The following SEMA6A variants were observed in gnomAD, a reference collection of about 807,000 sequenced individuals.
SEMA6A encodes the protein semaphorin-6A.
Under a neutral mutation model 96.8 loss-of-function variants are expected in SEMA6A, and 25 were observed. The observed-to-expected ratio is 0.26, with a 90% confidence interval of 0.19 to 0.36. The LOEUF (loss-of-function observed/expected upper bound fraction) is 0.36, where lower values mean the gene tolerates loss of function less well. Ranked by LOEUF, SEMA6A falls within the 10% of genes least tolerant of loss-of-function variation. SEMA6A has a pLI of 1.00. For missense variants in SEMA6A, 1,363 were observed against 1,323.1 expected, an observed-to-expected ratio of 1.03 and a Z score of -0.47; for synonymous variants, 612 against 518.0, an observed-to-expected ratio of 1.18 and a Z score of -2.46.
Position 116,444,583 on chromosome 5 carries a change from C to G in SEMA6A, c.*2030G>C, listed in dbSNP as rs1411150123. On this transcript the variant is annotated 3_prime_UTR_variant, in exon 19 of 19. Transcript: ENST00000343348. ...TTCATGATAGAGTAAACAAAAGTCC[C>G]TTTTGTGTGCTTGAGCAAATGAAAA... 3 of 152,622 alleles carry G rather than the reference C, an allele frequency of 2.0e-5. No individual in the cohort carries two copies. The highest frequency in any genetic ancestry group is 4.4e-5 in the Non-Finnish European group (3 of 68,026). 9.5% of individuals were successfully genotyped at this position (152,622 alleles called of 1,614,324 possible). A position where few individuals can be genotyped will look rare whatever the true frequency, so the allele number is the denominator to read the frequency against.
At chr5:116,495,168 A>C (rs1222081075) in intron 6 of SEMA6A, among the ~76,000 whole-genome samples, 1 of 152,142 alleles carries the variant, frequency 6.6e-6, no homozygotes, top group Non-Finnish European at 1.5e-5. Flanking sequence ...AACAATAGAG[A>C]AAAGGGTCTT....
At chr5:116,490,259 A>G (rs183107784) in intron 7 of SEMA6A, among the ~76,000 whole-genome samples, 3 of 152,318 alleles carry the variant, frequency 2.0e-5, no homozygotes, top group East Asian at 1.9e-4. Flanking sequence ...TCTACGAATC[A>G]TAACTTTTCT....
Position 116,478,022 on chromosome 5 carries a change from C to A in SEMA6A, c.1560G>T (p.Lys520Asn). Reference protein sequence around the residue: ...VPLGRCERHGKCKKTCIASRD... With the variant: ...VPLGRCERHGNCKKTCIASRD... The stretch of plus-strand genomic sequence containing the variant: ...TGAGGCAAAATACATACTTTTTACA[C>A]TTCCCATGTCGTTCACACCGGCCAA... Residue 520 changes from lysine (K) to asparagine (N), a missense_variant, in exon 14 of 19, where the codon AAG (lysine) becomes AAT (asparagine). Physicochemically the swap from Lys to Asn is moderately conservative, Grantham distance 94. Coordinates refer to ENST00000343348, the MANE Select transcript of SEMA6A (RefSeq NM_020796.5). 1 of 1,613,988 alleles carries A rather than the reference C, an allele frequency of 6.2e-7. No homozygotes were observed. The highest frequency in any genetic ancestry group is 8.5e-7 in the Non-Finnish European group (1 of 1,179,868).
intron 1 of SEMA6A, among the ~76,000 whole-genome samples, chr5:116,520,347 C>G (rs1484631105): frequency 7.0e-6 from 1 of 143,244 alleles, no homozygotes; most frequent in African/African-American, 2.6e-5. Context: ...TGTTCCTCCC[C>G]TCCACTAGAA....
chr5:116,523,817 G>A (rs1759081311), intron 1 of SEMA6A, among the ~76,000 whole-genome samples: 1 of 152,160 alleles, frequency 6.6e-6, no homozygotes, highest in African/African-American at 2.4e-5. Flanking sequence ...GGTGATTCTA[G>A]TGAGTAGACA....
intron 11 of SEMA6A, among the ~76,000 whole-genome samples, chr5:116,482,242 T>A (rs958929289): frequency 1.3e-5 from 2 of 151,906 alleles, no homozygotes; most frequent in African/African-American, 4.8e-5. Context: ...AAATAACATA[T>A]ATGGAGGTTA....
chr5:116,500,754 C>T (rs1040830302), intron 3 of SEMA6A, among the ~76,000 whole-genome samples: 66 of 152,258 alleles, frequency 4.3e-4, no homozygotes, highest in African/African-American at 1.5e-3. Flanking sequence ...CCTGTAATTC[C>T]GGCACTTTGA....
chr5:116,447,330 G>T lies in SEMA6A; in HGVS notation c.2376C>A (p.Pro792=). Residue 792 remains proline, a synonymous_variant, in exon 19 of 19, where the codon CCC becomes CCA. Transcript: ENST00000343348. The part of the protein sequence containing the change: ...NLINACTKDM[P]PMGSPVIPTD... ...TGGGAATCACAGGGGAGCCCATGGG[G>T]GGCATGTCCTTTGTGCAGGCATTGA... The T allele has an allele frequency of 6.2e-7, 1 of 1,613,862 alleles. No homozygotes were observed.
intron 1 of SEMA6A, among the ~76,000 whole-genome samples, chr5:116,515,806 G>C (rs113366793): frequency 2.4e-3 from 367 of 152,262 alleles, no homozygotes; most frequent in African/African-American, 8.4e-3. Context: ...TCTTTCCCCA[G>C]TTTTAGAGTA....
chr5:116,489,552 T>G (rs948896900), intron 7 of SEMA6A, among the ~76,000 whole-genome samples: 1 of 152,258 alleles, frequency 6.6e-6, no homozygotes, highest in Admixed American at 6.5e-5. Context: ...CAGCTCCTCT[T>G]GACCTCAGGC....
intron 1 of SEMA6A, among the ~76,000 whole-genome samples, chr5:116,521,680 A>G (rs181646312): frequency 3.1e-4 from 47 of 152,334 alleles, no homozygotes; most frequent in African/African-American, 1.1e-3. Context: ...GGTATGAGAG[A>G]GAGTACTCTG....
At position 116,524,791 on chromosome 5, in the gene SEMA6A, C is replaced by CACACACACACACAGACACACACACACAG. The variant is rs1554090345; in HGVS notation, c.-38-19810_-38-19809insCTGTGTGTGTGTGTCTGTGTGTGTGTGT. On this transcript the variant is annotated intron_variant, in intron 1 of 18. Coordinates refer to ENST00000343348, the MANE Select transcript of SEMA6A (RefSeq NM_020796.5). ...ATGTATACACACACACACACACAGA[C>CACACACACACACAGACACACACACACAG]ACACACACACACACAATTTTTAGAG... Among the ~76,000 whole-genome samples, 999 of 151,574 alleles carry CACACACACACACAGACACACACACACAG rather than the reference C, an allele frequency of 6.6e-3. 8 individuals carry two copies. The highest frequency in any genetic ancestry group is 0.015 in the African/African-American group (610 of 41,256).
chr5:116,558,170 T>A (rs1760680162), intron 1 of SEMA6A, among the ~76,000 whole-genome samples: 1 of 152,246 alleles, frequency 6.6e-6, no homozygotes, highest in African/African-American at 2.4e-5. Flanking sequence ...TTTCCTTTTG[T>A]TACTCAGCTT....
intron 1 of SEMA6A, chr5:116,562,450 C>G (rs1399017175): frequency 1.2e-5 from 4 of 342,738 alleles, no homozygotes; most frequent in Non-Finnish European, 2.2e-5. Flanking sequence ...CATTAACATC[C>G]TAATTCAGGT....
chr5:116,506,088 G>A (rs974562547), intron 1 of SEMA6A, among the ~76,000 whole-genome samples: 3 of 152,196 alleles, frequency 2.0e-5, no homozygotes, highest in African/African-American at 7.2e-5. Flanking sequence ...AGATTTGTGT[G>A]TAGAAATGTC....
chr5:116,467,892 G>A, intron 17 of SEMA6A, 145 bp from the exon 18 acceptor site: 2 of 623,080 alleles, frequency 3.2e-6, no homozygotes, highest in East Asian at 2.8e-5. Context: ...AGTGGTGGTG[G>A]TGGTGGTGGT....
intron 1 of SEMA6A, among the ~76,000 whole-genome samples, chr5:116,558,128 T>A (rs1256987256): frequency 6.6e-6 from 1 of 152,204 alleles, no homozygotes; most frequent in Non-Finnish European, 1.5e-5. Flanking sequence ...TAAAGCCCCC[T>A]GAAAATAGTT....
At chr5:116,511,589 G>A (rs775936442) in intron 1 of SEMA6A, among the ~76,000 whole-genome samples, 2 of 152,212 alleles carry the variant, frequency 1.3e-5, no homozygotes, top group Non-Finnish European at 2.9e-5. Flanking sequence ...CTATGCTTAT[G>A]TGGACGAAGT....
intron 1 of SEMA6A, among the ~76,000 whole-genome samples, chr5:116,573,471 G>C (rs1329435342): frequency 6.6e-6 from 1 of 152,160 alleles, no homozygotes; most frequent in African/African-American, 2.4e-5. Context: ...CATGGCGGGG[G>C]CGCCGCGTCA....
Sources: gnomAD v4.1 joint callset for allele counts (sites outside exome capture counted in the v4.1 genomes callset) on GRCh38, gnomAD v4.1.1 for gene constraint, MANE v1.5 for transcripts, NCBI Gene and HGNC (gene_info 2026-07-23, HGNC 2026-07-21) for gene names.